The following MACROH2A2 variants were observed in gnomAD, a reference collection of about 807,000 sequenced individuals.
MACROH2A2 encodes macroH2A.2 histone.
A neutral mutation model predicts 37.6 loss-of-function variants in MACROH2A2; 6 were observed. The ratio of observed to expected loss-of-function variants is 0.16; its 90% CI spans 0.09 to 0.32. The LOEUF is 0.32. Among genes scored for constraint, MACROH2A2 ranks in the 10% least tolerant of loss-of-function variants. MACROH2A2 has a pLI of 1.00. For synonymous variants in MACROH2A2, 192 were observed against 202.7 expected, an observed-to-expected ratio of 0.95 and a Z score of 0.45; for missense variants, 290 against 485.9, an observed-to-expected ratio of 0.60 and a Z score of 3.79.
intron 7 of MACROH2A2, among the ~76,000 whole-genome samples, chr10:70,101,162 C>T (rs1379266053): frequency 6.6e-6 from 1 of 152,096 alleles, no homozygotes; most frequent in African/African-American, 2.4e-5. Flanking sequence ...GTTGTGAAGG[C>T]CCCGAGCTCT....
At chr10:70,103,036 G>C (rs944977727) in intron 7 of MACROH2A2, among the ~76,000 whole-genome samples, 1 of 152,160 alleles carries the variant, frequency 6.6e-6, no homozygotes, top group Non-Finnish European at 1.5e-5. Context: ...CCAAAGCAAG[G>C]GGCTGCATGA....
At chr10:70,062,569 A>G (rs760778873) in intron 1 of MACROH2A2, among the ~76,000 whole-genome samples, 3 of 152,266 alleles carry the variant, frequency 2.0e-5, no homozygotes, top group Non-Finnish European at 4.4e-5. Context: ...TGATTTGCAT[A>G]CTTCTGAAGA....
intron 2 of MACROH2A2, among the ~76,000 whole-genome samples, chr10:70,088,174 C>T (rs867200489): frequency 1.7e-4 from 26 of 151,636 alleles, no homozygotes; most frequent in African/African-American, 4.6e-4. Context: ...CGCACACACA[C>T]GCACACATAT....
intron 1 of MACROH2A2, among the ~76,000 whole-genome samples, chr10:70,067,191 A>C (rs2072084480): frequency 6.6e-6 from 1 of 152,110 alleles, no homozygotes; most frequent in Non-Finnish European, 1.5e-5. Flanking sequence ...GTAGGAGCCT[A>C]ACCATGTATT....
intron 3 of MACROH2A2, 68 bp from the exon 4 acceptor site, chr10:70,091,689 A>AG: frequency 8.9e-7 from 1 of 1,123,954 alleles, no homozygotes; most frequent in Non-Finnish European, 1.3e-6. Flanking sequence ...AAAAAAAAAA[A>AG]AAGAACTGTA....
intron 2 of MACROH2A2, 118 bp from the exon 3 acceptor site, chr10:70,089,942 C>T (rs1407756428): frequency 8.1e-6 from 6 of 742,470 alleles, no homozygotes; most frequent in Middle Eastern, 2.4e-4. Flanking sequence ...CTTTCCAGGC[C>T]GAGACATAGA....
chr10:70,079,325 C>T (rs536120891), intron 2 of MACROH2A2, among the ~76,000 whole-genome samples: 2 of 151,174 alleles, frequency 1.3e-5, no homozygotes, highest in East Asian at 3.9e-4. Context: ...GATGGGCAGC[C>T]AGGTGGGGAA....
chr10:70,091,968 G>C lies in MACROH2A2; in HGVS notation c.477+14G>C. 6.2e-7 allele frequency: 1 copy of C among 1,606,628 alleles called. No homozygotes were observed. The highest frequency in any genetic ancestry group is 8.5e-7 in the Non-Finnish European group (1 of 1,174,728). ...ACGTCCAAAAAGGTAGGCCGAGGCTGCGTGTCCTGGGCCAGGCACTCCCAC... is the reference window on the plus strand; with the variant it reads ...ACGTCCAAAAAGGTAGGCCGAGGCTCCGTGTCCTGGGCCAGGCACTCCCAC... On this transcript the variant is annotated intron_variant, in intron 4 of 8. Coordinates refer to ENST00000373255, the MANE Select transcript of MACROH2A2 (RefSeq NM_018649.3).
chr10:70,060,689 G>C (rs138507742), intron 1 of MACROH2A2, among the ~76,000 whole-genome samples: 1 of 152,230 alleles, frequency 6.6e-6, no homozygotes, highest in Non-Finnish European at 1.5e-5. Flanking sequence ...CAAAGCCAGT[G>C]CCCTGCTCAG....
chr10:70,096,774 G>A (rs904156187), intron 6 of MACROH2A2, among the ~76,000 whole-genome samples: 2 of 152,182 alleles, frequency 1.3e-5, no homozygotes, highest in South Asian at 2.1e-4. Context: ...AGCCCTGGCT[G>A]GTAGCACCAG....
chr10:70,108,808 G>A (rs561528713), intron 7 of MACROH2A2, among the ~76,000 whole-genome samples: 15 of 152,228 alleles, frequency 9.9e-5, no homozygotes, highest in Admixed American at 6.5e-4. Flanking sequence ...GCGCATCAGA[G>A]CAGCATTAAA....
Position 70,075,539 on chromosome 10 carries a change from C to G in MACROH2A2, c.-59-61C>G. The stretch of plus-strand genomic sequence containing the variant: ...GTCACAGTGGTGCCCAAGGGCCATG[C>G]CACTGTGCCCAAGATGTTTGCCAAC... On this transcript the variant is annotated intron_variant, in intron 1 of 8. Coordinates refer to ENST00000373255, the MANE Select transcript of MACROH2A2 (RefSeq NM_018649.3). This position sits in a 1 kb window ranked among gnomAD's most constrained non-coding sequence, Gnocchi z 5.0. 1.1e-6 allele frequency: 1 copy of G among 951,052 alleles called. No individual in the cohort carries two copies. The highest frequency in any genetic ancestry group is 2.0e-5 in the Admixed American group (1 of 49,208). 58.9% of individuals were successfully genotyped at this position (951,052 alleles called of 1,614,324 possible).
chr10:70,109,121 G>C lies in MACROH2A2; in HGVS notation c.867G>C (p.Gln289His), dbSNP rs1229766330. ...PQWGSDKCEE[Q>H]LEETIKNCLS... ...GGGGCTCCGACAAATGTGAAGAACA[G>C]CTTGAAGAGACCATCAAAAACTGCC... The change falls in exon 8 of 9, where the codon CAG becomes CAC. Residue 289 changes from glutamine to histidine, a missense_variant. This residue lies in a region of MACROH2A2 where 130 missense variants were observed against 257.1 expected (regional missense o/e 0.51). Transcript: ENST00000373255. The C allele has an allele frequency of 6.2e-7, 1 of 1,614,162 alleles. No individual in the cohort carries two copies. The highest frequency in any genetic ancestry group is 1.7e-5 in the Admixed American group (1 of 60,032).
intron 4 of MACROH2A2, among the ~76,000 whole-genome samples, chr10:70,092,464 CTGT>C (rs2072251215): frequency 6.6e-6 from 1 of 152,126 alleles, no homozygotes; most frequent in African/African-American, 2.4e-5. Flanking sequence ...AAAGTGGTTT[CTGT>C]TGTTTGTGAG....
intron 7 of MACROH2A2, among the ~76,000 whole-genome samples, chr10:70,103,282 G>A (rs985789359): frequency 5.9e-5 from 9 of 152,204 alleles, no homozygotes; most frequent in African/African-American, 1.9e-4. Context: ...CTGGGTGTGG[G>A]GAAGGTTCCC....
intron 7 of MACROH2A2, among the ~76,000 whole-genome samples, chr10:70,104,708 C>G (rs2072326501): frequency 6.6e-6 from 1 of 152,214 alleles, no homozygotes; most frequent in East Asian, 1.9e-4. Context: ...AACCGCAAGC[C>G]AGTGCTCCTG....
At chr10:70,093,005 C>CTT (rs141031178) in intron 4 of MACROH2A2, among the ~76,000 whole-genome samples, 8 of 145,188 alleles carry the variant, frequency 5.5e-5, no homozygotes, top group African/African-American at 2.0e-4. Context: ...TCACATGTGG[C>CTT]TTTTTTTTTT....
intron 1 of MACROH2A2, among the ~76,000 whole-genome samples, chr10:70,057,526 G>A (rs1368945209): frequency 6.6e-6 from 1 of 152,166 alleles, no homozygotes; most frequent in Non-Finnish European, 1.5e-5. Context: ...GCCCAGCCTT[G>A]GGAAAAACAA....
chr10:70,089,325 AGAC>A (rs2072230111), intron 2 of MACROH2A2, among the ~76,000 whole-genome samples: 1 of 152,230 alleles, frequency 6.6e-6, no homozygotes, highest in African/African-American at 2.4e-5. Flanking sequence ...AGTCTAGAAA[AGAC>A]AGTCTAGATT....
Sources: allele counts gnomAD v4.1 joint callset (sites outside exome capture counted in the v4.1 genomes callset), GRCh38; gene constraint gnomAD v4.1.1; regional missense constraint gnomAD v4.1.1; non-coding constraint Gnocchi (gnomAD v3.1); transcripts MANE v1.5; gene names NCBI Gene and HGNC (gene_info 2026-07-23, HGNC 2026-07-21).